The following NUDT5 variants were observed in gnomAD, a reference collection of about 807,000 sequenced individuals.
NUDT5 encodes the protein ADP-sugar pyrophosphatase.
NUDT5 carries 21 observed loss-of-function variants against 34.1 expected under a neutral mutation model. The ratio of observed to expected loss-of-function variants is 0.62; its 90% confidence interval spans 0.44 to 0.89. NUDT5 has a LOEUF of 0.89. Among genes scored for constraint, NUDT5 ranks in the 40% least tolerant of loss-of-function variants. NUDT5 has a pLI of 0.00. For synonymous variants in NUDT5, 85 were observed against 97.6 expected (o/e 0.87, Z 0.76); for missense variants, 249 against 274.8 (o/e 0.91, Z 0.66).
chr10:12,167,534 C>G lies in NUDT5; in HGVS notation c.*168G>C. ...AGTTATAACAAATTTAAAGGAAGGT[C>G]ACAACCTACCTGTAATTACAATTCC... On this transcript the variant is annotated 3_prime_UTR_variant, in exon 10 of 10. Coordinates refer to ENST00000491614, the MANE Select transcript of NUDT5 (RefSeq NM_014142.4). 1.7e-6 allele frequency: 1 copy of G among 600,354 alleles called. No individual in the cohort carries two copies. The highest frequency in any genetic ancestry group is 2.8e-6 in the Non-Finnish European group (1 of 351,346). 37.2% of individuals were successfully genotyped at this position (600,354 alleles called of 1,614,324 possible).
Position 12,186,312 on chromosome 10 carries a change from C to T in NUDT5, c.-21G>A. The T allele has an allele frequency of 6.3e-7, 1 of 1,575,026 alleles. No homozygotes were observed. Among genetic ancestry groups the T allele is most frequent in the Non-Finnish European group, 8.7e-7 (1 of 1,144,274 alleles). The stretch of plus-strand genomic sequence containing the variant: ...TCCATTTTCAAACGAGTCTTTACAG[C>T]CCTCAGGTGAGAAGTTCACCCTGCA... On this transcript the variant is annotated 5_prime_UTR_variant, in exon 2 of 10. Coordinates refer to ENST00000491614, the MANE Select transcript of NUDT5 (RefSeq NM_014142.4).
Position 12,166,468 on chromosome 10 carries a change from T to C in NUDT5, c.*1234A>G, listed in dbSNP as rs1834697734. On this transcript the variant is annotated 3_prime_UTR_variant, in exon 10 of 10. Transcript: ENST00000491614. The stretch of plus-strand genomic sequence containing the variant: ...AAGTTCTGTATTTCCATAATTGTTT[T>C]ATCTTTAGGAAGTCCAGTGTAAAGA... 2 of 241,044 alleles carry C rather than the reference T, an allele frequency of 8.3e-6. No homozygotes were observed. Among genetic ancestry groups the C allele is most frequent in the Non-Finnish European group, 1.7e-5 (2 of 117,874 alleles). The allele number at this position is 241,044 out of a possible 1,614,324, so 14.9% of individuals were successfully genotyped here.
At chr10:12,189,894 AT>A (rs34725302) in intron 1 of NUDT5, among the ~76,000 whole-genome samples, 118,534 of 130,938 alleles carry the variant, frequency 0.91, 53,629 homozygotes, top group Non-Finnish European at 0.95. Context: ...GTGTTCTACA[AT>A]TTTTTTTTTT....
rs540118484 is a variant in NUDT5 at position 12,181,551 on chromosome 10, A to G, written c.132-2419T>C. 6.6e-4 allele frequency among the ~76,000 whole-genome samples: 100 copies of G among 152,290 alleles called. No homozygotes were observed. Among genetic ancestry groups the G allele is most frequent in the African/African-American group, 2.2e-3 (93 of 41,550 alleles). On this transcript the variant is annotated intron_variant, in intron 3 of 9. Coordinates refer to ENST00000491614, the MANE Select transcript of NUDT5 (RefSeq NM_014142.4). This position sits in a 1 kb window ranked among gnomAD's most constrained non-coding sequence, Gnocchi z 5.0. ...AGGAAATAAGCCAAAGAACCCCACAATGAGTCATGCACATAGGTCTCAGCC... is the reference window on the plus strand; with the variant it reads ...AGGAAATAAGCCAAAGAACCCCACAGTGAGTCATGCACATAGGTCTCAGCC...
At chr10:12,191,039 G>C (rs1175590118) in intron 1 of NUDT5, among the ~76,000 whole-genome samples, 3 of 152,186 alleles carry the variant, frequency 2.0e-5, no homozygotes, top group African/African-American at 7.2e-5. Context: ...AATTCTGAGT[G>C]TATGGCGAGC....
intron 1 of NUDT5, among the ~76,000 whole-genome samples, chr10:12,191,068 C>G (rs1183285753): frequency 2.0e-5 from 3 of 152,148 alleles, no homozygotes; most frequent in Non-Finnish European, 4.4e-5. Flanking sequence ...TCTCAAGCTC[C>G]TCCTCCACTT....
In NUDT5 at chr10:12,182,568, A is replaced by AT. The variant is rs1835059302; in HGVS notation, c.131+2320dup. ...TGCTATAAATATGGTAGTTTGGTGG[A>AT]TTTTAGAGCCTACTCCCAATCTACT... On this transcript the variant is annotated intron_variant, in intron 3 of 9. Transcript: ENST00000491614. The surrounding 1 kb of genome is among the most constrained non-coding windows in gnomAD (Gnocchi z 4.3). Among the ~76,000 whole-genome samples the AT allele has an allele frequency of 6.6e-6, 1 of 152,220 alleles. No homozygotes were observed. The highest frequency in any genetic ancestry group is 6.5e-5 in the Admixed American group (1 of 15,292).
At chr10:12,188,189 C>G (rs550586726) in intron 1 of NUDT5, among the ~76,000 whole-genome samples, 9 of 152,266 alleles carry the variant, frequency 5.9e-5, no homozygotes, top group African/African-American at 2.2e-4. Flanking sequence ...AACTCTCTTC[C>G]CAACTGTCCT....
In NUDT5 at chr10:12,177,773, T is replaced by C. The variant is rs1834978689; in HGVS notation, c.289+20A>G. On this transcript the variant is annotated intron_variant, in intron 5 of 9. Coordinates refer to ENST00000491614, the MANE Select transcript of NUDT5 (RefSeq NM_014142.4). ...TCAGGCCAACATCCCTAAGAAGCAA[T>C]TCGATGTTGAGTGACTCACCTGCAG... 1 of 1,553,900 alleles carries C rather than the reference T, an allele frequency of 6.4e-7. No individual in the cohort carries two copies. Among genetic ancestry groups the C allele is most frequent in the South Asian group, 1.1e-5 (1 of 89,798 alleles).
chr10:12,179,149 GA>G lies in NUDT5; in HGVS notation c.132-18del, dbSNP rs745714717. 15 of 1,603,670 alleles carry G rather than the reference GA, an allele frequency of 9.4e-6. No homozygotes were observed. Among genetic ancestry groups the G allele is most frequent in the Admixed American group, 3.5e-5 (2 of 57,178 alleles). ...TCCCAAGTTCTGTTCAGGCAGAGAA[GA>G]AAAAAAAGTCATTAGTGCTACAGAA... On this transcript the variant is annotated intron_variant, in intron 3 of 9. Coordinates refer to ENST00000491614, the MANE Select transcript of NUDT5 (RefSeq NM_014142.4).
intron 1 of NUDT5, among the ~76,000 whole-genome samples, chr10:12,193,954 G>A (rs1170190139): frequency 6.6e-6 from 1 of 150,776 alleles, no homozygotes; most frequent in Non-Finnish European, 1.5e-5. Flanking sequence ...TCGGCTCATC[G>A]CAACCTCCGC....
Position 12,170,960 on chromosome 10 carries a change from C to A in NUDT5, c.488-52G>T. The A allele has an allele frequency of 6.2e-7, 1 of 1,600,408 alleles. No individual in the cohort carries two copies. Among genetic ancestry groups the A allele is most frequent in the South Asian group, 1.1e-5 (1 of 89,236 alleles). On this transcript the variant is annotated intron_variant, in intron 7 of 9. Coordinates refer to ENST00000491614, the MANE Select transcript of NUDT5 (RefSeq NM_014142.4). The surrounding 1 kb of genome is among the most constrained non-coding windows in gnomAD (Gnocchi z 4.9). ...TCAGCAAGGCCTGGAGTGGTAACAT[C>A]GGAAGACTTTTATACAAGAGGCGTC... is the stretch of plus-strand genomic sequence containing the variant.
intron 1 of NUDT5, among the ~76,000 whole-genome samples, chr10:12,191,902 A>G (rs922334294): frequency 1.3e-5 from 2 of 152,224 alleles, no homozygotes; most frequent in Non-Finnish European, 2.9e-5. Flanking sequence ...TATGAACTCA[A>G]AAGCCTGGTT....
At position 12,170,078 on chromosome 10, in the gene NUDT5, T is replaced by A; in HGVS notation, c.550+639A>T. The A allele has an allele frequency of 6.2e-7, 1 of 1,602,384 alleles. No individual in the cohort carries two copies. Among genetic ancestry groups the A allele is most frequent in the Non-Finnish European group, 8.5e-7 (1 of 1,170,336 alleles). The stretch of plus-strand genomic sequence containing the variant: ...CTCCTCGTCTCCACACAGTATCTCC[T>A]CATGTCTCCATACAGTATCTCCTCT... On this transcript the variant is annotated intron_variant, in intron 9 of 9. Transcript: ENST00000491614. The surrounding 1 kb of genome is among the most constrained non-coding windows in gnomAD (Gnocchi z 4.9).
intron 3 of NUDT5, chr10:12,180,479 C>T (rs1170150417): frequency 6.6e-6 from 1 of 152,252 alleles, no homozygotes; most frequent in African/African-American, 2.4e-5. Context: ...CTGAAGGTCC[C>T]ATCCCAAACA....
rs1391424633 is a variant in NUDT5 at position 12,187,836 on chromosome 10, T to A, written c.-41-1504A>T. Among the ~76,000 whole-genome samples the A allele has an allele frequency of 6.6e-6, 1 of 152,136 alleles. No individual in the cohort carries two copies. The highest frequency in any genetic ancestry group is 2.4e-5 in the African/African-American group (1 of 41,416). On this transcript the variant is annotated intron_variant, in intron 1 of 9. Coordinates refer to ENST00000491614, the MANE Select transcript of NUDT5 (RefSeq NM_014142.4). The surrounding 1 kb of genome is among the most constrained non-coding windows in gnomAD (Gnocchi z 5.4). ...CGACTTCACTGATGATTTCCTCCCC[T>A]GTGTTTTCTCTGTTGTTTCTTTTAA...
At chr10:12,179,169 T>TA in intron 3 of NUDT5, 37 bp from the exon 4 acceptor site, 1 of 1,573,312 alleles carries the variant, frequency 6.4e-7, no homozygotes, top group Admixed American at 1.7e-5. Flanking sequence ...TCATTAGTGC[T>TA]ACAGAAGAGA....
chr10:12,168,249 C>T lies in NUDT5; in HGVS notation c.551-438G>A, dbSNP rs191829687. On this transcript the variant is annotated intron_variant, in intron 9 of 9. Coordinates refer to ENST00000491614, the MANE Select transcript of NUDT5 (RefSeq NM_014142.4). The surrounding 1 kb of genome is among the most constrained non-coding windows in gnomAD (Gnocchi z 4.8). ...CCATGTTGGCCAGGATGGTTTCGAT[C>T]TCCTGACCTCGTGATCCACCCGCCT... 6.6e-6 allele frequency among the ~76,000 whole-genome samples: 1 copy of T among 152,284 alleles called. No individual in the cohort carries two copies. Among genetic ancestry groups the T allele is most frequent in the African/African-American group, 2.4e-5 (1 of 41,558 alleles).
At chr10:12,185,910 T>C (rs1835119405) in intron 2 of NUDT5, among the ~76,000 whole-genome samples, 1 of 152,220 alleles carries the variant, frequency 6.6e-6, no homozygotes, top group Non-Finnish European at 1.5e-5. Flanking sequence ...AGCCAAGTTG[T>C]GACAACTACA....
Sources: allele counts gnomAD v4.1 joint callset (sites outside exome capture counted in the v4.1 genomes callset), GRCh38; gene constraint gnomAD v4.1.1; non-coding constraint Gnocchi (gnomAD v3.1); transcripts MANE v1.5; gene names NCBI Gene and HGNC (gene_info 2026-07-23, HGNC 2026-07-21).